Variants in WDR41 observed in about 807,000 individuals in gnomAD.
WDR41 encodes WD repeat domain 41.
A neutral mutation model predicts 69.3 loss-of-function variants in WDR41; 63 were observed. That is an observed-to-expected ratio of 0.91 (90% CI 0.74 to 1.12). The LOEUF (loss-of-function observed/expected upper bound fraction) is 1.12. Among genes scored for constraint, WDR41 ranks in the 50% most tolerant of loss-of-function variants. The pLI, the probability that WDR41 is intolerant of heterozygous loss-of-function variation, is 0.00. For synonymous variants in WDR41, 185 were observed against 192.1 expected (o/e 0.96, Z 0.31); for missense variants, 543 against 534.5 (o/e 1.02, Z -0.16).
At chr5:77,465,347 T>C (rs1255592872) in intron 2 of WDR41, among the ~76,000 whole-genome samples, 1 of 152,134 alleles carries the variant, frequency 6.6e-6, no homozygotes, top group Non-Finnish European at 1.5e-5. Flanking sequence ...TTAGTGAAGA[T>C]GCTTGAAATG....
intron 1 of WDR41, among the ~76,000 whole-genome samples, chr5:77,612,379 A>C (rs932216112): frequency 6.6e-6 from 1 of 152,228 alleles, no homozygotes; most frequent in South Asian, 2.1e-4. Flanking sequence ...ATGAACATTG[A>C]TGCAAAAATA....
intron 1 of WDR41, among the ~76,000 whole-genome samples, chr5:77,585,865 G>T (rs572033134): frequency 2.0e-5 from 3 of 152,212 alleles, no homozygotes; most frequent in African/African-American, 7.2e-5. Context: ...CTACAAATAA[G>T]GTTCAGTGTA....
intron 1 of WDR41, among the ~76,000 whole-genome samples, chr5:77,585,824 G>A (rs1744027902): frequency 6.6e-6 from 1 of 152,114 alleles, no homozygotes; most frequent in South Asian, 2.1e-4. Flanking sequence ...GACTTGGGGG[G>A]AAGAAAGGGA....
At chr5:77,614,028 A>C (rs1407913595) in intron 1 of WDR41, among the ~76,000 whole-genome samples, 1 of 152,258 alleles carries the variant, frequency 6.6e-6, no homozygotes, top group Non-Finnish European at 1.5e-5. Flanking sequence ...TTATGCAGCC[A>C]AAAGACACAT....
rs953146136 is a variant in WDR41 at position 77,453,938 on chromosome 5, T to G, written c.412-10A>C. 1.3e-6 allele frequency: 2 copies of G among 1,594,726 alleles called. No individual in the cohort carries two copies. The highest frequency in any genetic ancestry group is 2.7e-5 in the African/African-American group (2 of 74,496). On this transcript the variant is annotated splice_polypyrimidine_tract_variant and intron_variant, in intron 5 of 12. Coordinates refer to ENST00000296679, the MANE Select transcript of WDR41 (RefSeq NM_018268.4). ...GAAGAACAGTTAAACACTGCAAAAT[T>G]TATTTGAAATGTATATCAGGTTAGA...
intron 1 of WDR41, among the ~76,000 whole-genome samples, chr5:77,555,463 C>G (rs1275697533): frequency 2.0e-5 from 3 of 152,132 alleles, no homozygotes; most frequent in Non-Finnish European, 4.4e-5. Flanking sequence ...TGCACACCAC[C>G]ACACCCAGCT....
chr5:77,560,099 A>T (rs762963193), intron 1 of WDR41, among the ~76,000 whole-genome samples: 6 of 152,184 alleles, frequency 3.9e-5, no homozygotes, highest in Admixed American at 1.3e-4. Flanking sequence ...GCTTGCTCAA[A>T]TTGCTTTAAC....
chr5:77,609,587 G>A (rs192603684), intron 1 of WDR41, among the ~76,000 whole-genome samples: 66 of 152,344 alleles, frequency 4.3e-4, no homozygotes, highest in African/African-American at 1.5e-3. Flanking sequence ...CAGACCTACA[G>A]CTGACAGTCC....
intron 1 of WDR41, among the ~76,000 whole-genome samples, chr5:77,559,957 C>G (rs1743491104): frequency 6.6e-6 from 1 of 152,042 alleles, no homozygotes; most frequent in African/African-American, 2.4e-5. Flanking sequence ...CCCAATCTAT[C>G]TAGTCAGTGT....
chr5:77,460,336 A>T (rs940824712), intron 4 of WDR41, among the ~76,000 whole-genome samples: 1 of 152,246 alleles, frequency 6.6e-6, no homozygotes, highest in Admixed American at 6.5e-5. Context: ...TATGTATATA[A>T]CACACTAAAA....
chr5:77,572,965 T>A (rs1743759171), intron 1 of WDR41, among the ~76,000 whole-genome samples: 1 of 152,216 alleles, frequency 6.6e-6, no homozygotes, highest in Non-Finnish European at 1.5e-5. Context: ...TTTCCTATGC[T>A]TTCTCTTCCC....
chr5:77,539,551 A>C (rs544541434), intron 1 of WDR41, among the ~76,000 whole-genome samples: 8 of 152,246 alleles, frequency 5.3e-5, no homozygotes, highest in African/African-American at 1.4e-4. Context: ...GAGGGTGAAC[A>C]CTTTTTTATT....
chr5:77,445,458 G>A (rs936548977), intron 8 of WDR41, among the ~76,000 whole-genome samples: 6 of 152,096 alleles, frequency 3.9e-5, no homozygotes, highest in South Asian at 4.1e-4. Context: ...AAACCAGGAA[G>A]AGACACAACA....
intron 1 of WDR41, among the ~76,000 whole-genome samples, chr5:77,607,174 T>C (rs545748007): frequency 3.9e-5 from 6 of 152,172 alleles, no homozygotes; most frequent in South Asian, 2.1e-4. Context: ...TAGATCAAAC[T>C]ATTATTAGAT....
intron 1 of WDR41, among the ~76,000 whole-genome samples, chr5:77,527,463 G>A (rs1420858983): frequency 6.6e-6 from 1 of 151,774 alleles, no homozygotes; most frequent in Non-Finnish European, 1.5e-5. Context: ...AAATTTGTAG[G>A]CACTTAATAA....
intron 1 of WDR41, chr5:77,540,416 A>T (rs1743066837): frequency 6.6e-6 from 1 of 152,230 alleles, no homozygotes; most frequent in African/African-American, 2.4e-5. Flanking sequence ...TAACGTAATG[A>T]TCCTTTTAAA....
intron 2 of WDR41, among the ~76,000 whole-genome samples, chr5:77,486,912 C>A (rs1801550979): frequency 6.6e-6 from 1 of 152,202 alleles, no homozygotes; most frequent in African/African-American, 2.4e-5. Flanking sequence ...AACTAACATA[C>A]CCACATATGG....
At chr5:77,601,408 T>C (rs1744321085) in intron 1 of WDR41, among the ~76,000 whole-genome samples, 1 of 152,168 alleles carries the variant, frequency 6.6e-6, no homozygotes, top group Non-Finnish European at 1.5e-5. Context: ...GATAATAGCA[T>C]AGTATTTTCT....
At chr5:77,591,842 A>T (rs1212747127) in intron 1 of WDR41, among the ~76,000 whole-genome samples, 8 of 152,122 alleles carry the variant, frequency 5.3e-5, no homozygotes, top group Non-Finnish European at 8.8e-5. Flanking sequence ...TTCCATATGC[A>T]CTTAAAAGAA....
Sources: gnomAD v4.1 joint callset for allele counts (sites outside exome capture counted in the v4.1 genomes callset) on GRCh38, gnomAD v4.1.1 for gene constraint, MANE v1.5 for transcripts, NCBI Gene and HGNC (gene_info 2026-07-23, HGNC 2026-07-21) for gene names.